MAPKAP1: variants seen among roughly 807,000 people sequenced by gnomAD.
MAPKAP1 encodes MAPK associated protein 1, also known as target of rapamycin complex 2 subunit MAPKAP1.
MAPKAP1 carries 20 observed loss-of-function variants against 65.7 expected under a neutral mutation model. That is an observed-to-expected ratio of 0.30 (90% confidence interval 0.21 to 0.44). The LOEUF (loss-of-function observed/expected upper bound fraction) is 0.44, where lower values mean the gene tolerates loss of function less well. MAPKAP1 is among the 20% of genes least tolerant of loss of function. The pLI, the probability that MAPKAP1 is intolerant of heterozygous loss-of-function variation, is 1.00. For synonymous variants in MAPKAP1, 222 were observed against 244.3 expected (o/e 0.91, Z 0.85); for missense variants, 423 against 648.0 (o/e 0.65, Z 3.77).
At chr9:125,638,158 G>A (rs2131703175) in intron 4 of MAPKAP1, among the ~76,000 whole-genome samples, 1 of 152,344 alleles carries the variant, frequency 6.6e-6, no homozygotes, top group East Asian at 1.9e-4. Flanking sequence ...TGATTGTCAA[G>A]TGGAGGAGTT....
At chr9:125,638,076 A>C (rs976829320) in intron 4 of MAPKAP1, among the ~76,000 whole-genome samples, 5 of 152,252 alleles carry the variant, frequency 3.3e-5, no homozygotes, top group Admixed American at 6.5e-5. Context: ...CCAGCTGGTA[A>C]TGGGTACTTA....
At chr9:125,507,041 G>T (rs1047736565) in intron 7 of MAPKAP1, among the ~76,000 whole-genome samples, 1 of 152,166 alleles carries the variant, frequency 6.6e-6, no homozygotes, top group African/African-American at 2.4e-5. Flanking sequence ...GAGTTACGAT[G>T]ATGAAAAGAC....
chr9:125,627,832 T>C (rs933063453), intron 4 of MAPKAP1, among the ~76,000 whole-genome samples: 7 of 152,012 alleles, frequency 4.6e-5, no homozygotes, highest in Admixed American at 1.3e-4. Context: ...TTCCCACTGT[T>C]TTCATAGGCT....
At chr9:125,527,852 G>A (rs1333459176) in intron 7 of MAPKAP1, among the ~76,000 whole-genome samples, 3 of 152,266 alleles carry the variant, frequency 2.0e-5, no homozygotes, top group South Asian at 2.1e-4. Context: ...GATATGCATC[G>A]CCTTTCATTT....
At chr9:125,695,541 G>A (rs1021841326) in intron 1 of MAPKAP1, among the ~76,000 whole-genome samples, 1 of 152,112 alleles carries the variant, frequency 6.6e-6, no homozygotes. Flanking sequence ...GTTTACAAAA[G>A]AAACATCTTG....
intron 7 of MAPKAP1, among the ~76,000 whole-genome samples, chr9:125,538,163 G>A (rs1830125864): frequency 6.6e-6 from 1 of 152,176 alleles, no homozygotes; most frequent in East Asian, 1.9e-4. Context: ...TCATTGAAGA[G>A]TTCGGAGCAG....
intron 4 of MAPKAP1, among the ~76,000 whole-genome samples, chr9:125,633,862 T>C (rs1223531817): frequency 1.3e-5 from 2 of 152,344 alleles, no homozygotes; most frequent in African/African-American, 4.8e-5. Context: ...GGAGATATTA[T>C]ATGCACTTTC....
At position 125,595,528 on chromosome 9, in the gene MAPKAP1, G is replaced by A; in HGVS notation, c.499-9801C>T. 1 of 1,127,642 alleles carries A rather than the reference G, an allele frequency of 8.9e-7. No individual in the cohort carries two copies. Among genetic ancestry groups the A allele is most frequent in the Non-Finnish European group, 1.1e-6 (1 of 916,610 alleles). 69.9% of individuals were successfully genotyped at this position (1,127,642 alleles called of 1,614,324 possible). ...CATATACCTGATAGTTTCCAAAGTAGGAGAAGCAATAAGAATACAGATGGG... is the reference window on the plus strand; with the variant it reads ...CATATACCTGATAGTTTCCAAAGTAAGAGAAGCAATAAGAATACAGATGGG... On this transcript the variant is annotated intron_variant, in intron 4 of 11. Coordinates refer to ENST00000265960, the MANE Select transcript of MAPKAP1 (RefSeq NM_001006617.3). This position sits in a 1 kb window ranked among gnomAD's most constrained non-coding sequence, Gnocchi z 4.0.
intron 4 of MAPKAP1, among the ~76,000 whole-genome samples, chr9:125,642,466 A>C (rs989885583): frequency 2.0e-5 from 3 of 152,326 alleles, no homozygotes; most frequent in Non-Finnish European, 4.4e-5. Flanking sequence ...AACTAGACCC[A>C]ATATGGAGCT....
At chr9:125,635,501 T>A (rs1833398007) in intron 4 of MAPKAP1, among the ~76,000 whole-genome samples, 1 of 152,230 alleles carries the variant, frequency 6.6e-6, no homozygotes, top group Non-Finnish European at 1.5e-5. Context: ...GCTCTACTAT[T>A]TGCTAAAATG....
intron 10 of MAPKAP1, among the ~76,000 whole-genome samples, chr9:125,449,147 C>T (rs1852841691): frequency 6.6e-6 from 1 of 152,012 alleles, no homozygotes; most frequent in African/African-American, 2.4e-5. Flanking sequence ...TTAACAAAAG[C>T]CTGAGACACA....
intron 4 of MAPKAP1, among the ~76,000 whole-genome samples, chr9:125,637,892 C>G (rs570706177): frequency 6.6e-6 from 1 of 152,292 alleles, no homozygotes; most frequent in South Asian, 2.1e-4. Flanking sequence ...ACTGCCTCAG[C>G]CTCCCAAGTA....
At chr9:125,630,702 CT>C (rs1270872429) in intron 4 of MAPKAP1, among the ~76,000 whole-genome samples, 1 of 152,070 alleles carries the variant, frequency 6.6e-6, no homozygotes, top group Non-Finnish European at 1.5e-5. Context: ...CTCTTCAAAC[CT>C]TATGTTGAAA....
chr9:125,555,493 G>A (rs576455030), intron 6 of MAPKAP1, among the ~76,000 whole-genome samples: 1 of 152,358 alleles, frequency 6.6e-6, no homozygotes, highest in African/African-American at 2.4e-5. Flanking sequence ...GGGAATAGCC[G>A]GTGTGAGGGC....
chr9:125,623,753 A>G (rs1483193335), intron 4 of MAPKAP1, among the ~76,000 whole-genome samples: 6 of 38,024 alleles, frequency 1.6e-4, no homozygotes, highest in African/African-American at 2.0e-4. Flanking sequence ...TCCGGGAGGG[A>G]GGTGGGGGGT....
chr9:125,473,972 A>G (rs1048337473), intron 9 of MAPKAP1, among the ~76,000 whole-genome samples: 2 of 152,238 alleles, frequency 1.3e-5, no homozygotes. Context: ...ATTAGGTGAA[A>G]TAAGGCATGA....
At chr9:125,600,502 C>A (rs1002699443) in intron 4 of MAPKAP1, among the ~76,000 whole-genome samples, 2 of 152,138 alleles carry the variant, frequency 1.3e-5, no homozygotes, top group African/African-American at 4.8e-5. Context: ...TATAAAGTGA[C>A]AACAAAGCAT....
chr9:125,680,606 C>A (rs150099467), intron 1 of MAPKAP1, among the ~76,000 whole-genome samples: 1 of 152,236 alleles, frequency 6.6e-6, no homozygotes, highest in African/African-American at 2.4e-5. Flanking sequence ...CTTCTTTTTA[C>A]ATTTTTATTT....
intron 8 of MAPKAP1, among the ~76,000 whole-genome samples, chr9:125,486,334 A>C (rs1436510437): frequency 6.6e-6 from 1 of 152,168 alleles, no homozygotes; most frequent in Admixed American, 6.5e-5. Context: ...TCACCAGTGC[A>C]GGGGGTAGAA....
Sources: gnomAD v4.1 joint callset for allele counts (sites outside exome capture counted in the v4.1 genomes callset) on GRCh38, gnomAD v4.1.1 for gene constraint, Gnocchi (gnomAD v3.1) non-coding constraint, MANE v1.5 for transcripts, NCBI Gene and HGNC (gene_info 2026-07-23, HGNC 2026-07-21) for gene names.